Variants in MMD2 observed in about 807,000 individuals in gnomAD.
MMD2 encodes monocyte to macrophage differentiation factor 2.
In MMD2, 30 loss-of-function variants were observed where a neutral mutation model predicts 33.5. The observed-to-expected ratio is 0.90, with a 90% CI of 0.67 to 1.22. The LOEUF is 1.22. Among genes scored for constraint, MMD2 ranks in the 50% most tolerant of loss-of-function variants. The pLI, the probability that MMD2 is intolerant of heterozygous loss-of-function variation, is 0.00. For synonymous variants in MMD2, 129 were observed against 123.0 expected, an observed-to-expected ratio of 1.05 and a Z score of -0.32; for missense variants, 364 against 325.4, an observed-to-expected ratio of 1.12 and a Z score of -0.91.
At chr7:4,937,693 A>G (rs1785780693) in intron 1 of MMD2, among the ~76,000 whole-genome samples, 2 of 152,148 alleles carry the variant, frequency 1.3e-5, no homozygotes, top group Non-Finnish European at 1.5e-5. Context: ...TTTTTTGTAG[A>G]GACAGAATCT....
rs1231462968 is a variant in MMD2 at position 4,906,065 on chromosome 7, T to C, written c.*1331A>G. ...CAGGTGCAGGAACCCTGGAACCCCC[T>C]GGAATGTGCTAGAGATAAGCATAAG... On this transcript the variant is annotated 3_prime_UTR_variant, in exon 7 of 7. Transcript: ENST00000401401. 1 of 158,104 alleles carries C rather than the reference T, an allele frequency of 6.3e-6. No homozygotes were observed. The highest frequency in any genetic ancestry group is 1.8e-4 in the East Asian group (1 of 5,466). The allele number at this position is 158,104 out of a possible 1,614,324, so 9.8% of individuals were successfully genotyped here.
chr7:4,916,681 C>G (rs137857510), intron 3 of MMD2, among the ~76,000 whole-genome samples: 2 of 152,260 alleles, frequency 1.3e-5, no homozygotes, highest in African/African-American at 4.8e-5. Flanking sequence ...CCGCACCTGG[C>G]CATCCTCCCC....
chr7:4,927,668 C>T (rs1357695763), intron 1 of MMD2, among the ~76,000 whole-genome samples: 2 of 152,174 alleles, frequency 1.3e-5, no homozygotes, highest in Non-Finnish European at 2.9e-5. Context: ...GATTGTGCCA[C>T]TGCACTCCAG....
intron 1 of MMD2, among the ~76,000 whole-genome samples, chr7:4,942,333 C>T (rs138777719): frequency 5.8e-4 from 88 of 151,780 alleles, no homozygotes; most frequent in Non-Finnish European, 5.3e-4. Context: ...TACCTGGCCT[C>T]ATGTGATTCT....
At chr7:4,915,623 C>T (rs1043486464) in intron 4 of MMD2, among the ~76,000 whole-genome samples, 2 of 151,842 alleles carry the variant, frequency 1.3e-5, no homozygotes, top group African/African-American at 4.8e-5. Flanking sequence ...GCCTGTAATC[C>T]CAGCTACTCG....
intron 1 of MMD2, among the ~76,000 whole-genome samples, chr7:4,958,624 G>A (rs866281835): frequency 6.6e-6 from 1 of 152,230 alleles, no homozygotes; most frequent in South Asian, 2.1e-4. Flanking sequence ...CTGGGCTCCA[G>A]GCGCTGCGCA....
chr7:4,925,443 C>A lies in MMD2; in HGVS notation c.129+8G>T. On this transcript the variant is annotated splice_region_variant and intron_variant, in intron 2 of 6. Transcript: ENST00000401401. The stretch of plus-strand genomic sequence containing the variant: ...TCTCAGCCCTGAGCCCCCCAAAAGC[C>A]AACTCACAGCATGGGTGGCACAGTT... 1 of 1,536,132 alleles carries A rather than the reference C, an allele frequency of 6.5e-7. No individual in the cohort carries two copies. Among genetic ancestry groups the A allele is most frequent in the Non-Finnish European group, 8.8e-7 (1 of 1,139,040 alleles).
chr7:4,929,857 G>A (rs1386509288), intron 1 of MMD2, among the ~76,000 whole-genome samples: 3 of 152,138 alleles, frequency 2.0e-5, no homozygotes, highest in South Asian at 2.1e-4. Context: ...TAATAACAAC[G>A]AAAATAGTGA....
intron 6 of MMD2, among the ~76,000 whole-genome samples, chr7:4,909,163 G>A (rs2115085915): frequency 6.6e-6 from 1 of 152,208 alleles, no homozygotes; most frequent in Non-Finnish European, 1.5e-5. Context: ...GCCCCCAGAT[G>A]TGAGTACTAT....
chr7:4,895,944 G>A, the MMD2 span, among the ~76,000 whole-genome samples: 54,901 of 151,850 alleles, frequency 0.36, 10,506 homozygotes, highest in South Asian at 0.45. Context: ...ACTCCTTCCC[G>A]GGAATCATGA....
Position 4,920,243 on chromosome 7 carries a change from C to T in MMD2, c.218G>A (p.Gly73Asp). Residue 73 changes from glycine (G) to aspartate (D), a missense_variant, in exon 3 of 7, where the codon GGC (glycine) becomes GAC (aspartate). Coordinates refer to ENST00000401401, the MANE Select transcript of MMD2 (RefSeq NM_198403.4). Reference sequence around the variant, plus strand: ...CACGAAGAGGCCGCAGAGGCCGAGGCCGTAGATCCAGGCAGAGATGGTCTC... The same window carrying T: ...CACGAAGAGGCCGCAGAGGCCGAGGTCGTAGATCCAGGCAGAGATGGTCTC... ...DWETISAWIY[G>D]LGLCGLFVVS... 1.3e-6 allele frequency: 2 copies of T among 1,597,646 alleles called. No individual in the cohort carries two copies. Among genetic ancestry groups the T allele is most frequent in the Non-Finnish European group, 8.5e-7 (1 of 1,172,824 alleles).
intron 1 of MMD2, among the ~76,000 whole-genome samples, chr7:4,956,650 G>C (rs1050857075): frequency 1.3e-5 from 2 of 152,072 alleles, no homozygotes; most frequent in African/African-American, 2.4e-5. Context: ...AGAGCAGCCA[G>C]CGCAAGTGTC....
intron 1 of MMD2, among the ~76,000 whole-genome samples, chr7:4,949,307 C>A (rs1026175704): frequency 6.6e-6 from 1 of 151,990 alleles, no homozygotes; most frequent in Non-Finnish European, 1.5e-5. Context: ...ACCCCTTAAC[C>A]ATCCCAACCT....
intron 1 of MMD2, among the ~76,000 whole-genome samples, chr7:4,957,597 C>A (rs1033674040): frequency 6.6e-6 from 1 of 151,246 alleles, no homozygotes; most frequent in African/African-American, 2.4e-5. Flanking sequence ...TGCAGTGGGC[C>A]GAGATCATGC....
chr7:4,911,056 A>C, intron 5 of MMD2, 89 bp downstream of exon 5: 2 of 1,117,236 alleles, frequency 1.8e-6, no homozygotes, highest in South Asian at 1.4e-5. Context: ...TTATGAGATC[A>C]TCCTGGACTC....
At chr7:4,952,626 T>C (rs939107167) in intron 1 of MMD2, among the ~76,000 whole-genome samples, 1 of 151,912 alleles carries the variant, frequency 6.6e-6, no homozygotes, top group African/African-American at 2.4e-5. Context: ...CAGATTCTCA[T>C]AGGAGCATGA....
intron 2 of MMD2, among the ~76,000 whole-genome samples, chr7:4,924,447 G>C (rs1376360823): frequency 6.6e-6 from 1 of 152,268 alleles, no homozygotes; most frequent in African/African-American, 2.4e-5. Context: ...GAGATGTCCT[G>C]AGATATCAAA....
In MMD2 at chr7:4,956,441, C is replaced by T. The variant is rs1207289275; in HGVS notation, c.47+2530G>A. Among the ~76,000 whole-genome samples the T allele has an allele frequency of 1.4e-3, 215 of 151,564 alleles. 4 individuals carry two copies. Among genetic ancestry groups the T allele is most frequent in the Admixed American group, 0.014 (214 of 15,194 alleles). On this transcript the variant is annotated intron_variant, in intron 1 of 6. Transcript: ENST00000401401. ...TCCTATCTTTAAAAAAAAAAAAAAT[C>T]ACTTAATCAAGAAGCCTTTACTACA...
In MMD2 at chr7:4,934,698, G is replaced by A. The variant is rs192567016; in HGVS notation, c.48-9166C>T. On this transcript the variant is annotated intron_variant, in intron 1 of 6. Transcript: ENST00000401401. ...CCAGAGCCAGATGCTGGCAGGAGACGAGGAGAGAATGTTGAATTCTCACCC... is the reference window on the plus strand; with the variant it reads ...CCAGAGCCAGATGCTGGCAGGAGACAAGGAGAGAATGTTGAATTCTCACCC... Among the ~76,000 whole-genome samples, 108 of 152,294 alleles carry A rather than the reference G, an allele frequency of 7.1e-4. No individual in the cohort carries two copies. The Middle Eastern group carries it at 0.01, about 14-fold the overall frequency.
Sources: gnomAD v4.1 joint callset for allele counts (sites outside exome capture counted in the v4.1 genomes callset) on GRCh38, gnomAD v4.1.1 for gene constraint, MANE v1.5 for transcripts, NCBI Gene and HGNC (gene_info 2026-07-23, HGNC 2026-07-21) for gene names.